The following C1orf21 variants were observed in gnomAD, a reference collection of about 807,000 sequenced individuals.
C1orf21 encodes uncharacterized protein C1orf21.
A neutral mutation model predicts 18.7 loss-of-function variants in C1orf21; 3 were observed. That is an observed-to-expected ratio of 0.16 (90% CI 0.07 to 0.42). The LOEUF (loss-of-function observed/expected upper bound fraction) is 0.42. C1orf21 is among the 10% of genes least tolerant of loss of function. The probability of loss-of-function intolerance (pLI) is 0.99; values close to 1 mark genes in which losing one functional copy is unlikely to be tolerated. For synonymous variants in C1orf21, 41 were observed against 46.4 expected (o/e 0.88, Z 0.47); for missense variants, 104 against 143.6 (o/e 0.72, Z 1.41).
intron 2 of C1orf21, among the ~76,000 whole-genome samples, chr1:184,504,433 C>G (rs1658022285): frequency 6.6e-6 from 1 of 152,130 alleles, no homozygotes; most frequent in Non-Finnish European, 1.5e-5. Context: ...TCAAATTAAT[C>G]CCCCATGTCT....
intron 3 of C1orf21, among the ~76,000 whole-genome samples, chr1:184,518,693 C>A (rs566910965): frequency 6.6e-6 from 1 of 152,248 alleles, no homozygotes; most frequent in South Asian, 2.1e-4. Flanking sequence ...CCCAGTACAA[C>A]ATATCTCTTG....
intron 3 of C1orf21, chr1:184,545,949 C>G (rs146605637): frequency 1.3e-5 from 2 of 152,214 alleles, no homozygotes; most frequent in Non-Finnish European, 2.9e-5. Context: ...AGTGGAAATT[C>G]TCCTTCGATT....
At chr1:184,422,166 G>A (rs1314012175) in intron 1 of C1orf21, among the ~76,000 whole-genome samples, 1 of 152,172 alleles carries the variant, frequency 6.6e-6, no homozygotes, top group African/African-American at 2.4e-5. Context: ...ATAAGCAATA[G>A]TGCAGCATCA....
intron 1 of C1orf21, among the ~76,000 whole-genome samples, chr1:184,395,341 C>T (rs934066561): frequency 3.3e-5 from 5 of 151,902 alleles, no homozygotes; most frequent in Non-Finnish European, 5.9e-5. Context: ...ACCTTGCTCC[C>T]GTTTGAAGCC....
chr1:184,577,130 C>T (rs1029941437), intron 3 of C1orf21, among the ~76,000 whole-genome samples: 2 of 150,320 alleles, frequency 1.3e-5, no homozygotes, highest in Non-Finnish European at 3.0e-5. Flanking sequence ...AGAGACTTTA[C>T]GGAAGTGATG....
In C1orf21 at chr1:184,531,221, G is replaced by C. The variant is rs763063570; in HGVS notation, c.189+23539G>C. On this transcript the variant is annotated intron_variant, in intron 3 of 5. Transcript: ENST00000235307. ...CCACAGATATTTTGTATCTGGCTTT[G>C]GTGTTAACTTCTGGAAAATCGACTG... Among the ~76,000 whole-genome samples, 40 of 151,996 alleles carry C rather than the reference G, an allele frequency of 2.6e-4. 1 individual carries two copies. Among genetic ancestry groups the C allele is most frequent in the Admixed American group, 1.8e-3 (28 of 15,268 alleles).
In C1orf21 at chr1:184,410,632, TATATATATATATATATATATATATATATA is replaced by T. The variant is rs1656323660; in HGVS notation, c.-125+23265_-125+23293del. On this transcript the variant is annotated intron_variant, in intron 1 of 5. Transcript: ENST00000235307. Reference sequence around the variant, plus strand: ...GCCATATATATTATATATATATATATATATATATATATATATATATATATATATATATTTTTTTTTTTTTTTTTTGAGAT... The same window carrying T: ...GCCATATATATTATATATATATATATTATTTTTTTTTTTTTTTTTTGAGAT... Among the ~76,000 whole-genome samples, 5 of 3,266 alleles carry T rather than the reference TATATATATATATATATATATATATATATA, an allele frequency of 1.5e-3. 1 individual carries two copies. The East Asian group carries it at 0.035, about 23-fold the overall frequency. The allele number at this position is 3,266 out of a possible 152,430, so 2.1% of individuals were successfully genotyped here.
intron 5 of C1orf21, 30 bp downstream of exon 5, chr1:184,598,491 T>A: frequency 6.3e-7 from 1 of 1,587,162 alleles, no homozygotes; most frequent in Non-Finnish European, 8.6e-7. Context: ...ACCTACATGT[T>A]TCAAGGGAAG....
At chr1:184,490,009 G>A (rs549440338) in intron 2 of C1orf21, among the ~76,000 whole-genome samples, 1 of 152,276 alleles carries the variant, frequency 6.6e-6, no homozygotes, top group South Asian at 2.1e-4. Flanking sequence ...GCCTTTAGTT[G>A]TGTTTTCAGG....
At chr1:184,594,371 T>C (rs1481229930) in intron 4 of C1orf21, among the ~76,000 whole-genome samples, 1 of 152,162 alleles carries the variant, frequency 6.6e-6, no homozygotes, top group Non-Finnish European at 1.5e-5. Flanking sequence ...GAGAGTTAAG[T>C]TGACATGAGA....
intron 1 of C1orf21, among the ~76,000 whole-genome samples, chr1:184,416,433 A>G (rs1656452549): frequency 6.6e-6 from 1 of 152,150 alleles, no homozygotes; most frequent in South Asian, 2.1e-4. Flanking sequence ...ATATGTGCCT[A>G]TGTGTGTCTA....
At chr1:184,407,563 A>G (rs1345019583) in intron 1 of C1orf21, among the ~76,000 whole-genome samples, 1 of 152,100 alleles carries the variant, frequency 6.6e-6, no homozygotes, top group Non-Finnish European at 1.5e-5. Context: ...CTGTTAAACA[A>G]ATGAGTGCTC....
rs1658781781 is a variant in C1orf21, at chr1:184,549,477, TTACA to T, written c.190-41257_190-41254del. ...AAATATATGTATTAAATATATAAAG[TTACA>T]TACACTAACATTTTTACCTTTTTAG... On this transcript the variant is annotated intron_variant, in intron 3 of 5. Transcript: ENST00000235307. Among the ~76,000 whole-genome samples the T allele has an allele frequency of 6.6e-5, 10 of 152,130 alleles. No homozygotes were observed. The South Asian group carries it at 2.1e-3, about 31-fold the overall frequency.
chr1:184,431,130 T>C (rs1202485875), intron 1 of C1orf21, among the ~76,000 whole-genome samples: 1 of 152,124 alleles, frequency 6.6e-6, no homozygotes, highest in Admixed American at 6.5e-5. Context: ...ACTGATTTCA[T>C]ATGGAACCAA....
At chr1:184,609,676 A>T (rs1659698992) in intron 5 of C1orf21, among the ~76,000 whole-genome samples, 1 of 152,222 alleles carries the variant, frequency 6.6e-6, no homozygotes, top group South Asian at 2.1e-4. Context: ...AACAAATAGC[A>T]TGGAAATCTT....
intron 5 of C1orf21, among the ~76,000 whole-genome samples, chr1:184,610,535 G>C (rs1204115664): frequency 6.6e-6 from 1 of 152,144 alleles, no homozygotes; most frequent in Non-Finnish European, 1.5e-5. Context: ...CTCAGATAAA[G>C]CTTGAAAAGT....
At chr1:184,476,207 T>C (rs1571376152) in intron 1 of C1orf21, among the ~76,000 whole-genome samples, 1 of 152,156 alleles carries the variant, frequency 6.6e-6, no homozygotes, top group East Asian at 1.9e-4. Flanking sequence ...GTCTTCTTGG[T>C]AGAGAAAGCT....
intron 1 of C1orf21, among the ~76,000 whole-genome samples, chr1:184,420,299 G>A (rs1656525219): frequency 6.6e-6 from 1 of 151,998 alleles, no homozygotes; most frequent in Non-Finnish European, 1.5e-5. Flanking sequence ...ACTTTTGTGG[G>A]GGGGTGGGCT....
At chr1:184,505,435 A>G (rs1324696709) in intron 2 of C1orf21, among the ~76,000 whole-genome samples, 3 of 150,466 alleles carry the variant, frequency 2.0e-5, no homozygotes, top group Non-Finnish European at 3.0e-5. Context: ...ACTCACCATT[A>G]GCAATTAAGT....
Sources: gnomAD v4.1 joint callset for allele counts (sites outside exome capture counted in the v4.1 genomes callset) on GRCh38, gnomAD v4.1.1 for gene constraint, MANE v1.5 for transcripts, NCBI Gene and HGNC (gene_info 2026-07-23, HGNC 2026-07-21) for gene names.